FSTL5: variants seen among roughly 807,000 people sequenced by gnomAD.
FSTL5 encodes the protein follistatin like 5.
Under a neutral mutation model 89.1 loss-of-function variants are expected in FSTL5, and 62 were observed. The observed-to-expected ratio is 0.70, with a 90% CI of 0.57 to 0.86. The LOEUF is 0.86. Ranked by LOEUF, FSTL5 falls within the 40% of genes least tolerant of loss-of-function variation. The pLI is 0.00. For missense variants in FSTL5, 1,057 were observed against 1,001.6 expected (o/e 1.06, Z -0.75); for synonymous variants, 383 against 346.2 (o/e 1.11, Z -1.18).
At chr4:161,557,290 C>T (rs1267317378) in intron 8 of FSTL5, among the ~76,000 whole-genome samples, 1 of 149,126 alleles carries the variant, frequency 6.7e-6, no homozygotes, top group Non-Finnish European at 1.5e-5. Context: ...CACCTTTACA[C>T]AATTTATGTA....
Position 161,384,166 on chromosome 4 carries a change from C to A in FSTL5, c.*1581G>T, listed in dbSNP as rs1485983918. The A allele has an allele frequency of 6.6e-6, 1 of 152,126 alleles. No homozygotes were observed. The highest frequency in any genetic ancestry group is 1.5e-5 in the Non-Finnish European group (1 of 67,996). The allele number at this position is 152,126 out of a possible 1,614,324, so 9.4% of individuals were successfully genotyped here. A position where few individuals can be genotyped will look rare whatever the true frequency, so the allele number is the denominator to read the frequency against. ...AAGAAATCTACTGTATCACACAGCT[C>A]AGGATGCTATATACACATAAGATAT... On this transcript the variant is annotated 3_prime_UTR_variant, in exon 16 of 16. Coordinates refer to ENST00000306100, the MANE Select transcript of FSTL5 (RefSeq NM_020116.5).
chr4:161,770,475 CCTA>C (rs1741168776), intron 5 of FSTL5, among the ~76,000 whole-genome samples: 2 of 151,646 alleles, frequency 1.3e-5, no homozygotes, highest in Admixed American at 1.3e-4. Flanking sequence ...TGTATATATA[CCTA>C]CTATGTACTC....
chr4:161,776,336 A>G (rs567321622), intron 4 of FSTL5, among the ~76,000 whole-genome samples: 59 of 152,190 alleles, frequency 3.9e-4, no homozygotes, highest in African/African-American at 1.4e-3. Flanking sequence ...TGTAACGGAC[A>G]TAGAAAAACA....
intron 2 of FSTL5, among the ~76,000 whole-genome samples, chr4:162,091,430 A>T (rs1308857480): frequency 6.6e-6 from 1 of 152,092 alleles, no homozygotes; most frequent in Non-Finnish European, 1.5e-5. Context: ...ATTCTCTCTT[A>T]GTTAGGAGTA....
At chr4:162,099,368 C>T (rs1291964775) in intron 2 of FSTL5, among the ~76,000 whole-genome samples, 1 of 152,032 alleles carries the variant, frequency 6.6e-6, no homozygotes, top group Non-Finnish European at 1.5e-5. Flanking sequence ...ATGAATTATT[C>T]ATAGTTTGTA....
chr4:161,878,532 A>C (rs1440438757), intron 4 of FSTL5, among the ~76,000 whole-genome samples: 1 of 152,124 alleles, frequency 6.6e-6, no homozygotes, highest in African/African-American at 2.4e-5. Flanking sequence ...TTATAAAGGA[A>C]ACAACCTTCT....
At chr4:161,477,422 A>G (rs895437415) in intron 13 of FSTL5, among the ~76,000 whole-genome samples, 5 of 149,946 alleles carry the variant, frequency 3.3e-5, no homozygotes, top group African/African-American at 1.2e-4. Flanking sequence ...TATTATATAA[A>G]TTATTAATTA....
intron 7 of FSTL5, among the ~76,000 whole-genome samples, chr4:161,618,965 C>G (rs1452063027): frequency 6.6e-6 from 1 of 152,180 alleles, no homozygotes; most frequent in South Asian, 2.1e-4. Context: ...GTAACCAAAA[C>G]AGCATGGTAC....
At chr4:161,855,818 T>C (rs1460498028) in intron 4 of FSTL5, among the ~76,000 whole-genome samples, 2 of 152,134 alleles carry the variant, frequency 1.3e-5, no homozygotes, top group Admixed American at 6.5e-5. Flanking sequence ...CAATCCCAGT[T>C]ACTGGACATT....
At chr4:161,745,280 AAC>A (rs1342535959) in intron 6 of FSTL5, among the ~76,000 whole-genome samples, 1 of 152,102 alleles carries the variant, frequency 6.6e-6, no homozygotes, top group Non-Finnish European at 1.5e-5. Context: ...AGGATTAGAA[AAC>A]ACAGATGAAA....
chr4:161,528,360 T>C (rs1474386887), intron 10 of FSTL5, among the ~76,000 whole-genome samples: 2 of 143,432 alleles, frequency 1.4e-5, no homozygotes, highest in Middle Eastern at 3.5e-3. Flanking sequence ...TTAACATAAA[T>C]ATAAAATGCA....
At chr4:161,827,596 A>G (rs1579121222) in intron 4 of FSTL5, among the ~76,000 whole-genome samples, 2 of 152,116 alleles carry the variant, frequency 1.3e-5, no homozygotes, top group East Asian at 1.9e-4. Flanking sequence ...GGCGTGTCTG[A>G]GCTCAGACTC....
chr4:161,400,660 C>G (rs1007216258), intron 15 of FSTL5, among the ~76,000 whole-genome samples: 2 of 152,000 alleles, frequency 1.3e-5, no homozygotes, highest in Admixed American at 1.3e-4. Flanking sequence ...GGCATAGTTA[C>G]TAAATATTAC....
intron 7 of FSTL5, among the ~76,000 whole-genome samples, chr4:161,596,430 CA>C (rs1734012172): frequency 6.6e-6 from 1 of 151,410 alleles, no homozygotes; most frequent in African/African-American, 2.4e-5. Flanking sequence ...AAAGCAAAAC[CA>C]AAATGATGAG....
chr4:161,792,736 T>C (rs1449999797), intron 4 of FSTL5, among the ~76,000 whole-genome samples: 1 of 152,092 alleles, frequency 6.6e-6, no homozygotes, highest in Non-Finnish European at 1.5e-5. Flanking sequence ...CCTGTTCTCA[T>C]CCCCTGAGAA....
intron 3 of FSTL5, among the ~76,000 whole-genome samples, chr4:162,008,175 A>T (rs1430888188): frequency 6.6e-6 from 1 of 151,932 alleles, no homozygotes; most frequent in Non-Finnish European, 1.5e-5. Flanking sequence ...GTTTGCCCAG[A>T]TTAATGTAAT....
At chr4:161,507,890 T>C (rs1200405374) in intron 11 of FSTL5, among the ~76,000 whole-genome samples, 1 of 151,978 alleles carries the variant, frequency 6.6e-6, no homozygotes, top group Non-Finnish European at 1.5e-5. Flanking sequence ...TCATTTCAAC[T>C]CTTTCCATTA....
intron 6 of FSTL5, among the ~76,000 whole-genome samples, chr4:161,660,780 C>T (rs1736678471): frequency 1.3e-5 from 2 of 152,116 alleles, no homozygotes; most frequent in African/African-American, 4.8e-5. Flanking sequence ...CAGCTCCATC[C>T]ATGTCCTGGC....
intron 3 of FSTL5, among the ~76,000 whole-genome samples, chr4:162,023,268 A>T (rs1737161790): frequency 6.6e-6 from 1 of 152,166 alleles, no homozygotes; most frequent in Non-Finnish European, 1.5e-5. Flanking sequence ...GTGTATCTCC[A>T]GTGCTGAAAA....
Sources: gnomAD v4.1 joint callset for allele counts (sites outside exome capture counted in the v4.1 genomes callset) on GRCh38, gnomAD v4.1.1 for gene constraint, MANE v1.5 for transcripts, NCBI Gene and HGNC (gene_info 2026-07-23, HGNC 2026-07-21) for gene names.